The following PRKACA variants were observed in gnomAD, a reference collection of about 807,000 sequenced individuals.
PRKACA encodes the protein protein kinase cAMP-activated catalytic subunit alpha.
In PRKACA, 9 loss-of-function variants were observed where a neutral mutation model predicts 45.8. The ratio of observed to expected loss-of-function variants is 0.20; its 90% CI spans 0.12 to 0.34. PRKACA has a LOEUF of 0.34. Ranked by LOEUF, PRKACA falls within the 10% of genes least tolerant of loss-of-function variation. PRKACA has a pLI of 1.00. For synonymous variants in PRKACA, 160 were observed against 178.6 expected (o/e 0.90, Z 0.83); for missense variants, 238 against 458.6 (o/e 0.52, Z 4.39).
chr19:14,092,504 G>C lies in PRKACA; in HGVS notation c.*608C>G. The C allele has an allele frequency of 2.5e-6, 1 of 397,704 alleles. No homozygotes were observed. The highest frequency in any genetic ancestry group is 4.4e-6 in the Non-Finnish European group (1 of 225,592). The allele number at this position is 397,704 out of a possible 1,614,324, so 24.6% of individuals were successfully genotyped here. A position where few individuals can be genotyped will look rare whatever the true frequency, so the allele number is the denominator to read the frequency against. Reference sequence around the variant, plus strand: ...GGATTTGAGGAATGGGGGGACATGGGAGGGGTGGGAGTAGAGGAAGGAGGG... The same window carrying C: ...GGATTTGAGGAATGGGGGGACATGGCAGGGGTGGGAGTAGAGGAAGGAGGG... On this transcript the variant is annotated 3_prime_UTR_variant, in exon 10 of 10. Transcript: ENST00000308677.
chr19:14,106,960 CCCCTCTGCCACCG>C lies in PRKACA; in HGVS notation c.109-85_109-73del. On this transcript the variant is annotated intron_variant, in intron 2 of 9. Transcript: ENST00000308677. ...CCTGCTTGGCTAAGGTCTGGGGCAT[CCCCTCTGCCACCG>C]GCAGAGGGGGCCCCGGGGAGCACGT... 3.2e-6 allele frequency: 5 copies of C among 1,575,840 alleles called. No homozygotes were observed. In the South Asian group the frequency reaches 5.7e-5, roughly 18 times the overall value.
chr19:14,114,260 G>T (rs1967058866), intron 1 of PRKACA: 9 of 1,473,758 alleles, frequency 6.1e-6, no homozygotes, highest in Non-Finnish European at 8.4e-6. Flanking sequence ...GCCTGCAGGG[G>T]GAGCTAGGGA....
At chr19:14,102,067 G>C (rs1340973549) in intron 4 of PRKACA, among the ~76,000 whole-genome samples, 1 of 152,080 alleles carries the variant, frequency 6.6e-6, no homozygotes, top group Non-Finnish European at 1.5e-5. Flanking sequence ...AGGAGGCTGA[G>C]GCAGGAGAAT....
rs1276761283 is a variant in PRKACA at position 14,091,839 on chromosome 19, G to C, written c.*1273C>G. ...CACCCCAGGCCTGAGAACTCCTCCT[G>C]GGATGGGGAGAAGTTATGAGAGGGG... On this transcript the variant is annotated 3_prime_UTR_variant, in exon 10 of 10. Transcript: ENST00000308677. 6.6e-6 allele frequency: 1 copy of C among 152,460 alleles called. No individual in the cohort carries two copies. Among genetic ancestry groups the C allele is most frequent in the African/African-American group, 2.4e-5 (1 of 41,466 alleles). The allele number at this position is 152,460 out of a possible 1,614,324, so 9.4% of individuals were successfully genotyped here.
intron 5 of PRKACA, among the ~76,000 whole-genome samples, chr19:14,099,035 C>G (rs897580369): frequency 9.9e-5 from 15 of 152,110 alleles, no homozygotes; most frequent in Non-Finnish European, 2.2e-4. Context: ...GCCTGTAATC[C>G]CAGCATCTTG....
chr19:14,093,041 A>AGGCCCCC lies in PRKACA; in HGVS notation c.*70_*71insGGGGGCC. 1.4e-5 allele frequency: 7 copies of AGGCCCCC among 500,016 alleles called. No individual in the cohort carries two copies. Among genetic ancestry groups the AGGCCCCC allele is most frequent in the South Asian group, 2.5e-5 (1 of 39,956 alleles). 31.0% of individuals were successfully genotyped at this position (500,016 alleles called of 1,614,324 possible). On this transcript the variant is annotated 3_prime_UTR_variant, in exon 10 of 10. Coordinates refer to ENST00000308677, the MANE Select transcript of PRKACA (RefSeq NM_002730.4). ...CTGGGGCCCTCTGGCTGTTCAATCC[A>AGGCCCCC]ACCCTCCCACCCCCCCGACCAAAAA...
rs1012888030 is a variant in PRKACA, at chr19:14,091,746, C to G, written c.*1366G>C. ...TTTCAAATATGTTTACAACAGCACA[C>G]TGTTCAAGAGGAAGTCTCGTCCTTC... On this transcript the variant is annotated 3_prime_UTR_variant, in exon 10 of 10. Transcript: ENST00000308677. The G allele has an allele frequency of 1.3e-5, 2 of 152,482 alleles. No individual in the cohort carries two copies. Among genetic ancestry groups the G allele is most frequent in the African/African-American group, 4.8e-5 (2 of 41,426 alleles). The allele number at this position is 152,482 out of a possible 1,614,324, so 9.4% of individuals were successfully genotyped here.
Position 14,097,736 on chromosome 19 carries a change from G to T in PRKACA, c.546+28C>A. 6.2e-7 allele frequency: 1 copy of T among 1,614,088 alleles called. No homozygotes were observed. Among genetic ancestry groups the T allele is most frequent in the South Asian group, 1.1e-5 (1 of 91,078 alleles). The stretch of plus-strand genomic sequence containing the variant: ...GGGTCCAGGCCACGGCTTCCCCAGG[G>T]CTGCCCCTCGCCCGGCCTGGTGGGC... On this transcript the variant is annotated intron_variant, in intron 6 of 9. Transcript: ENST00000308677. This position sits in a 1 kb window ranked among gnomAD's most constrained non-coding sequence, Gnocchi z 5.4.
Position 14,097,039 on chromosome 19 carries a change from C to CGA in PRKACA, c.765+320_765+321dup, listed in dbSNP as rs2145748321. ...ATTCGTTTTTCTGCCTTGGAATTTG[C>CGA]GAAAACTCACACTAACTGGGATGAG... On this transcript the variant is annotated intron_variant, in intron 8 of 9. Coordinates refer to ENST00000308677, the MANE Select transcript of PRKACA (RefSeq NM_002730.4). This position sits in a 1 kb window ranked among gnomAD's most constrained non-coding sequence, Gnocchi z 5.4. 5.2e-6 allele frequency: 2 copies of CGA among 382,474 alleles called. No individual in the cohort carries two copies. The highest frequency in any genetic ancestry group is 2.1e-5 in the African/African-American group (1 of 48,000). The allele number at this position is 382,474 out of a possible 1,614,324, so 23.7% of individuals were successfully genotyped here.
At chr19:14,100,748 A>G in intron 5 of PRKACA, 78 bp downstream of exon 5, 1 of 1,440,484 alleles carries the variant, frequency 6.9e-7, no homozygotes, top group African/African-American at 1.4e-5. Flanking sequence ...ACTCCTCTGC[A>G]TTCCCAGGGG....
At chr19:14,101,495 G>A (rs1182477584) in intron 4 of PRKACA, among the ~76,000 whole-genome samples, 2 of 152,140 alleles carry the variant, frequency 1.3e-5, no homozygotes, top group Non-Finnish European at 2.9e-5. Flanking sequence ...GAGCCTGGGA[G>A]GCAAAGGTTG....
chr19:14,115,878 C>CT (rs1201638755), intron 1 of PRKACA, among the ~76,000 whole-genome samples: 1 of 152,140 alleles, frequency 6.6e-6, no homozygotes, highest in African/African-American at 2.4e-5. Context: ...CTCCTCCCCC[C>CT]CCGGCCAAGT....
intron 5 of PRKACA, chr19:14,098,142 C>T (rs1035263322): frequency 2.0e-5 from 9 of 441,420 alleles, no homozygotes; most frequent in Non-Finnish European, 3.7e-5. Context: ...CAGGACAGCC[C>T]ATGCATCCAC....
chr19:14,099,514 C>G (rs1977378861), intron 5 of PRKACA, among the ~76,000 whole-genome samples: 2 of 151,556 alleles, frequency 1.3e-5, no homozygotes, highest in Non-Finnish European at 2.9e-5. Context: ...CAGTCTTGAC[C>G]TCCCAGACTC....
chr19:14,097,992 C>T lies in PRKACA; in HGVS notation c.420-102G>A, dbSNP rs1977314077. The T allele has an allele frequency of 1.4e-6, 2 of 1,472,328 alleles. No homozygotes were observed. The highest frequency in any genetic ancestry group is 2.8e-5 in the African/African-American group (2 of 71,154). The allele number at this position is 1,472,328 out of a possible 1,614,324, so 91.2% of individuals were successfully genotyped here. On this transcript the variant is annotated intron_variant, in intron 5 of 9. Coordinates refer to ENST00000308677, the MANE Select transcript of PRKACA (RefSeq NM_002730.4). This position sits in a 1 kb window ranked among gnomAD's most constrained non-coding sequence, Gnocchi z 5.4. ...ACCCCAGAGGAAGACACCTCCAGTC[C>T]AGCCGTCAGAAACGCAAGGCACCTG...
At chr19:14,113,580 C>G (rs1432791889) in intron 1 of PRKACA, among the ~76,000 whole-genome samples, 2 of 152,202 alleles carry the variant, frequency 1.3e-5, no homozygotes, top group African/African-American at 4.8e-5. Flanking sequence ...GGGTCTCTCT[C>G]GGAAGGAGCC....
intron 1 of PRKACA, chr19:14,114,255 C>A: frequency 6.6e-7 from 1 of 1,513,226 alleles, no homozygotes; most frequent in Non-Finnish European, 9.0e-7. Flanking sequence ...ACCCTGCCTG[C>A]AGGGGGAGCT....
rs1039561566 is a variant in PRKACA, at chr19:14,097,192, C to T, written c.765+169G>A. 3.9e-6 allele frequency: 4 copies of T among 1,017,272 alleles called. No homozygotes were observed. The African/African-American group carries it at 6.4e-5, about 16-fold the overall frequency. The allele number at this position is 1,017,272 out of a possible 1,614,324, so 63.0% of individuals were successfully genotyped here. A position where few individuals can be genotyped will look rare whatever the true frequency, so the allele number is the denominator to read the frequency against. On this transcript the variant is annotated intron_variant, in intron 8 of 9. Transcript: ENST00000308677. The surrounding 1 kb of genome is among the most constrained non-coding windows in gnomAD (Gnocchi z 5.4). ...GGGTTGGGGCTGGACAGCAAGGGGG[C>T]TTGAGGTGTTGGCCTCAGTGTGGCC...
chr19:14,095,224 G>A (rs1329013157), intron 8 of PRKACA, among the ~76,000 whole-genome samples: 3 of 148,644 alleles, frequency 2.0e-5, no homozygotes, highest in Admixed American at 6.8e-5. Context: ...AGGCTGGAGT[G>A]CAGTGGCACA....
Sources: gnomAD v4.1 joint callset for allele counts (sites outside exome capture counted in the v4.1 genomes callset) on GRCh38, gnomAD v4.1.1 for gene constraint, Gnocchi (gnomAD v3.1) non-coding constraint, MANE v1.5 for transcripts, NCBI Gene and HGNC (gene_info 2026-07-23, HGNC 2026-07-21) for gene names.